Variants in ROBO2 observed in about 807,000 individuals in gnomAD.
ROBO2 encodes the protein roundabout homolog 2.
In ROBO2, 53 loss-of-function variants were observed where a neutral mutation model predicts 160.8. The observed-to-expected ratio is 0.33, with a 90% CI of 0.26 to 0.41. The LOEUF (loss-of-function observed/expected upper bound fraction) is 0.41, where lower values mean the gene tolerates loss of function less well. Ranked by LOEUF, ROBO2 falls within the 10% of genes least tolerant of loss-of-function variation. The pLI, the probability that ROBO2 is intolerant of heterozygous loss-of-function variation, is 1.00. For missense variants in ROBO2, 1,577 were observed against 1,722.4 expected, an observed-to-expected ratio of 0.92 and a Z score of 1.49; for synonymous variants, 664 against 611.7, an observed-to-expected ratio of 1.09 and a Z score of -1.26.
intron 1 of ROBO2, among the ~76,000 whole-genome samples, chr3:75,915,578 A>G (rs1946776009): frequency 1.3e-5 from 2 of 152,304 alleles, no homozygotes; most frequent in South Asian, 2.1e-4. Flanking sequence ...AGGCTTTTCA[A>G]TACTTGCAAC....
At chr3:77,298,690 A>C (rs2062372382) in intron 2 of ROBO2, among the ~76,000 whole-genome samples, 1 of 152,130 alleles carries the variant, frequency 6.6e-6, no homozygotes, top group African/African-American at 2.4e-5. Flanking sequence ...CCGTGAACAG[A>C]AAACTTTGGT....
intron 2 of ROBO2, among the ~76,000 whole-genome samples, chr3:76,121,025 T>C (rs967425154): frequency 2.0e-5 from 3 of 152,112 alleles, no homozygotes; most frequent in African/African-American, 7.2e-5. Flanking sequence ...CAGCAATAGA[T>C]GACATGGGCC....
At chr3:76,842,633 A>G (rs2068394955) in intron 2 of ROBO2, among the ~76,000 whole-genome samples, 1 of 152,204 alleles carries the variant, frequency 6.6e-6, no homozygotes, top group South Asian at 2.1e-4. Context: ...GACATGAAGT[A>G]GGTCTTCTAT....
At chr3:76,555,157 G>C (rs918409103) in intron 2 of ROBO2, among the ~76,000 whole-genome samples, 2 of 152,048 alleles carry the variant, frequency 1.3e-5, no homozygotes, top group Admixed American at 1.3e-4. Context: ...AAAATCCCTA[G>C]TCTATTCTAT....
intron 2 of ROBO2, among the ~76,000 whole-genome samples, chr3:76,506,507 T>C (rs2080806287): frequency 6.6e-6 from 1 of 152,214 alleles, no homozygotes; most frequent in African/African-American, 2.4e-5. Flanking sequence ...TTCCAGTTAT[T>C]CAAGGACTAA....
chr3:75,933,903 T>C (rs999478690), intron 1 of ROBO2, among the ~76,000 whole-genome samples: 1 of 152,166 alleles, frequency 6.6e-6, no homozygotes, highest in African/African-American at 2.4e-5. Flanking sequence ...TCCTGGTTGG[T>C]ACCTGTAGAT....
At chr3:76,809,756 ATT>A (rs1447231549) in intron 2 of ROBO2, among the ~76,000 whole-genome samples, 1 of 152,140 alleles carries the variant, frequency 6.6e-6, no homozygotes, top group East Asian at 1.9e-4. Flanking sequence ...TAAAGGAGGC[ATT>A]CTTTTTAAAT....
At chr3:77,640,734 T>C (rs2095339507) in intron 24 of ROBO2, among the ~76,000 whole-genome samples, 1 of 152,230 alleles carries the variant, frequency 6.6e-6, no homozygotes, top group Non-Finnish European at 1.5e-5. Flanking sequence ...TAAATTTAAT[T>C]TAAGTAAATG....
intron 2 of ROBO2, among the ~76,000 whole-genome samples, chr3:76,249,687 T>C (rs576887964): frequency 4.5e-4 from 69 of 152,234 alleles, no homozygotes; most frequent in African/African-American, 1.6e-3. Flanking sequence ...CAGAAAATTA[T>C]TTGGCTATAT....
chr3:76,709,736 G>C (rs1281680302), intron 2 of ROBO2, among the ~76,000 whole-genome samples: 1 of 152,160 alleles, frequency 6.6e-6, no homozygotes, highest in African/African-American at 2.4e-5. Context: ...AGGGTAATTA[G>C]TTTTCAGATT....
intron 2 of ROBO2, among the ~76,000 whole-genome samples, chr3:77,158,607 A>G (rs1052141027): frequency 6.6e-6 from 1 of 152,152 alleles, no homozygotes; most frequent in Non-Finnish European, 1.5e-5. Context: ...GATGTTTTTC[A>G]TATCTTAGAT....
intron 2 of ROBO2, among the ~76,000 whole-genome samples, chr3:76,930,757 G>A (rs754343804): frequency 1.2e-4 from 18 of 152,212 alleles, no homozygotes; most frequent in Non-Finnish European, 2.6e-4. Context: ...CTAGCCTGCT[G>A]AAGCAGAAAG....
At chr3:77,113,651 G>A (rs2073909695) in intron 2 of ROBO2, among the ~76,000 whole-genome samples, 1 of 152,158 alleles carries the variant, frequency 6.6e-6, no homozygotes, top group Non-Finnish European at 1.5e-5. Flanking sequence ...GAGAGACAAG[G>A]AGCGGTCTAG....
intron 13 of ROBO2, among the ~76,000 whole-genome samples, chr3:77,570,491 T>C (rs952747627): frequency 5.3e-5 from 8 of 152,054 alleles, no homozygotes; most frequent in African/African-American, 4.8e-5. Flanking sequence ...GTACTCTTTT[T>C]AATAACTGTT....
chr3:77,144,239 T>C (rs1348937416), intron 2 of ROBO2, among the ~76,000 whole-genome samples: 2 of 152,192 alleles, frequency 1.3e-5, no homozygotes, highest in African/African-American at 4.8e-5. Flanking sequence ...GAGAATTAAA[T>C]AGTATTTCCT....
At chr3:76,154,291 A>G (rs2072319670) in intron 2 of ROBO2, among the ~76,000 whole-genome samples, 1 of 152,152 alleles carries the variant, frequency 6.6e-6, no homozygotes, top group Admixed American at 6.6e-5. Flanking sequence ...ATTCATGAAT[A>G]TATGATTTTG....
chr3:76,761,585 A>G (rs1443708611), intron 2 of ROBO2, among the ~76,000 whole-genome samples: 5 of 151,786 alleles, frequency 3.3e-5, no homozygotes, highest in Non-Finnish European at 5.9e-5. Flanking sequence ...AATATTATAT[A>G]CTGTCTTTTT....
At chr3:76,568,096 T>G (rs1578207224) in intron 2 of ROBO2, among the ~76,000 whole-genome samples, 1 of 151,808 alleles carries the variant, frequency 6.6e-6, no homozygotes, top group African/African-American at 2.4e-5. Flanking sequence ...ATTGCAGGCA[T>G]AAGCCACTGC....
At chr3:77,101,044 A>G (rs190157551) in intron 2 of ROBO2, among the ~76,000 whole-genome samples, 1 of 152,362 alleles carries the variant, frequency 6.6e-6, no homozygotes, top group Non-Finnish European at 1.5e-5. Context: ...CATGTGCTGA[A>G]TAAAAATCTA....
Sources: gnomAD v4.1 joint callset for allele counts (sites outside exome capture counted in the v4.1 genomes callset) on GRCh38, gnomAD v4.1.1 for gene constraint, MANE v1.5 for transcripts, NCBI Gene and HGNC (gene_info 2026-07-23, HGNC 2026-07-21) for gene names.